The following ABCA10 variants were observed in gnomAD, a reference collection of about 807,000 sequenced individuals.
ABCA10 encodes the protein ATP binding cassette subfamily A member 10.
In ABCA10, 169 loss-of-function variants were observed where a neutral mutation model predicts 187.5. That is an observed-to-expected ratio of 0.90 (90% confidence interval 0.80 to 1.02). The LOEUF (loss-of-function observed/expected upper bound fraction) is 1.02. Ranked by LOEUF, ABCA10 falls within the 50% of genes least tolerant of loss-of-function variation. The pLI is 0.00. For missense variants in ABCA10, 1,727 were observed against 1,812.4 expected (o/e 0.95, Z 0.86); for synonymous variants, 574 against 601.8 (o/e 0.95, Z 0.68).
In ABCA10 at chr17:69,169,942, T is replaced by C. The variant is rs2074284232; in HGVS notation, c.3162+4339A>G. On this transcript the variant is annotated intron_variant, in intron 25 of 38. Transcript: ENST00000690296. ...ATAGTATTTGTAATTATTAAAGGTA[T>C]TGCTCTAACAAAATATATAGCAATA... 2.0e-5 allele frequency among the ~76,000 whole-genome samples: 3 copies of C among 152,274 alleles called. No individual in the cohort carries two copies. The South Asian group carries it at 6.2e-4, about 32-fold the overall frequency.
chr17:69,193,477 A>G lies in ABCA10; in HGVS notation c.1641+16T>C, dbSNP rs369408893. 41 of 1,601,858 alleles carry G rather than the reference A, an allele frequency of 2.6e-5. No individual in the cohort carries two copies. In the African/African-American group the frequency reaches 4.3e-4, roughly 17 times the overall value. On this transcript the variant is annotated intron_variant, in intron 14 of 38. Coordinates refer to ENST00000690296, the MANE Select transcript of ABCA10 (RefSeq NM_001377321.1). ...TTCAATCTAAATTAATTGTAAAAATATATTTTTTCTCTCACCTGAGGATCT... is the reference window on the plus strand; with the variant it reads ...TTCAATCTAAATTAATTGTAAAAATGTATTTTTTCTCTCACCTGAGGATCT...
intron 37 of ABCA10, among the ~76,000 whole-genome samples, chr17:69,149,652 T>TA (rs1389125998): frequency 6.6e-6 from 1 of 152,152 alleles, no homozygotes; most frequent in East Asian, 1.9e-4. Flanking sequence ...TTGATATTCT[T>TA]TGGGACAACA....
intron 22 of ABCA10, among the ~76,000 whole-genome samples, chr17:69,177,448 T>G (rs1306841999): frequency 1.3e-5 from 2 of 152,004 alleles, no homozygotes; most frequent in Non-Finnish European, 2.9e-5. Context: ...GGTAGGAGGA[T>G]CAGGGGGTCC....
intron 6 of ABCA10, among the ~76,000 whole-genome samples, chr17:69,217,960 A>C (rs1446924433): frequency 6.6e-6 from 1 of 152,210 alleles, no homozygotes; most frequent in Non-Finnish European, 1.5e-5. Flanking sequence ...AATTATATCC[A>C]ACACAAAATC....
intron 19 of ABCA10, 72 bp downstream of exon 19, chr17:69,187,609 T>C: frequency 7.1e-7 from 1 of 1,409,666 alleles, no homozygotes; most frequent in Non-Finnish European, 9.6e-7. Flanking sequence ...TAAATTAATA[T>C]ATTTACTTTC....
chr17:69,218,415 T>A (rs1011614963), intron 6 of ABCA10, among the ~76,000 whole-genome samples: 1 of 152,146 alleles, frequency 6.6e-6, no homozygotes, highest in Non-Finnish European at 1.5e-5. Flanking sequence ...TTCTCTGCTT[T>A]ATTTTTCTTA....
intron 19 of ABCA10, among the ~76,000 whole-genome samples, chr17:69,186,900 G>A (rs545994023): frequency 1.2e-4 from 19 of 152,160 alleles, no homozygotes; most frequent in African/African-American, 3.9e-4. Flanking sequence ...TGCCTTTTGT[G>A]TTCACTAATA....
In ABCA10 at chr17:69,193,091, T is replaced by A. The variant is rs1598106931; in HGVS notation, c.1780+19A>T. 9 of 1,580,556 alleles carry A rather than the reference T, an allele frequency of 5.7e-6. No individual in the cohort carries two copies. The highest frequency in any genetic ancestry group is 7.7e-6 in the Non-Finnish European group (9 of 1,168,788). ...TAAATCCTTAAATAACTAGTTGGAA[T>A]AAAGAAGCCAAGAATCACCAGCCAA... On this transcript the variant is annotated intron_variant, in intron 15 of 38. Transcript: ENST00000690296.
chr17:69,202,103 T>A (rs981064510), intron 9 of ABCA10, among the ~76,000 whole-genome samples: 1 of 152,168 alleles, frequency 6.6e-6, no homozygotes, highest in Non-Finnish European at 1.5e-5. Context: ...AAATAAAGCA[T>A]TACAGGTGCA....
Position 69,174,374 on chromosome 17 carries a change from A to T in ABCA10, c.3069T>A (p.Cys1023Ter). 6.3e-7 allele frequency: 1 copy of T among 1,598,144 alleles called. No individual in the cohort carries two copies. The highest frequency in any genetic ancestry group is 8.5e-7 in the Non-Finnish European group (1 of 1,175,352). The part of the protein sequence containing the change: ...MFVLVVCIIG[C>*]AVSLIFLTYV... ...ATGTGAGGAATATAAGAGAAACTGC[A>T]CAACCAATTATGCATACCACCTGCA... is the stretch of plus-strand genomic sequence containing the variant. Residue 1023 changes from cysteine to a stop codon, truncating the protein, a stop_gained, in exon 25 of 39, where the codon TGT becomes TGA. Transcript: ENST00000690296. LOFTEE classifies it high-confidence loss of function.
In ABCA10 at chr17:69,174,274, T is replaced by C. The variant is rs1202033619; in HGVS notation, c.3162+7A>G. 1.3e-6 allele frequency: 2 copies of C among 1,559,178 alleles called. No homozygotes were observed. The stretch of plus-strand genomic sequence containing the variant: ...ATATAAATGTGCACGCATGTATATA[T>C]ACTTACAATAAAAAAGCCAAAAGAC... On this transcript the variant is annotated splice_region_variant and intron_variant, in intron 25 of 38. Coordinates refer to ENST00000690296, the MANE Select transcript of ABCA10 (RefSeq NM_001377321.1).
Position 69,193,514 on chromosome 17 carries a change from A to T in ABCA10, c.1620T>A (p.Ile540=). ...TCACCTGAGGATCTCCTAAGATGGC[A>T]ATCCCTAGTGTTAGTTTTCTCTTCT... ...GGQKRKLTLG[I]AILGDPQVLL... is the part of the protein sequence containing the mutation. The change falls in exon 14 of 39, where the codon ATT becomes ATA. Residue 540 remains isoleucine (I), a synonymous_variant. Coordinates refer to ENST00000690296, the MANE Select transcript of ABCA10 (RefSeq NM_001377321.1). The T allele has an allele frequency of 1.2e-6, 2 of 1,613,450 alleles. No individual in the cohort carries two copies. Among genetic ancestry groups the T allele is most frequent in the Non-Finnish European group, 1.7e-6 (2 of 1,179,714 alleles).
At chr17:69,213,821 T>C (rs2074679617) in intron 9 of ABCA10, among the ~76,000 whole-genome samples, 1 of 152,234 alleles carries the variant, frequency 6.6e-6, no homozygotes, top group South Asian at 2.1e-4. Flanking sequence ...TCAAAGTTAT[T>C]ACAAAATTCA....
intron 25 of ABCA10, among the ~76,000 whole-genome samples, chr17:69,170,807 C>A (rs1558166): frequency 0.75 from 114,116 of 152,028 alleles, 43,430 homozygotes; most frequent in African/African-American, 0.85. Flanking sequence ...CTGAAACCCA[C>A]CTTGGACCAT....
chr17:69,173,502 A>G (rs572854076), intron 25 of ABCA10, among the ~76,000 whole-genome samples: 34 of 152,202 alleles, frequency 2.2e-4, no homozygotes, highest in African/African-American at 7.7e-4. Context: ...CCAGAAGAAG[A>G]AGAAGAAAAA....
In ABCA10 at chr17:69,193,988, T is replaced by C; in HGVS notation, c.1347A>G (p.Gly449=). 1 of 1,585,662 alleles carries C rather than the reference T, an allele frequency of 6.3e-7. No homozygotes were observed. Among genetic ancestry groups the C allele is most frequent in the Non-Finnish European group, 8.6e-7 (1 of 1,163,992 alleles). The part of the protein sequence containing the change: ...ILSGLSVSTE[G]SATIYNTQLS... ...GTTGAGTATTATAAATAGTGGCTGA[T>C]CCTATAAATAGAAATTTAAAAGGCT... Residue 449 remains glycine, a splice_region_variant and synonymous_variant, in exon 13 of 39, where the codon GGA becomes GGG. Coordinates refer to ENST00000690296, the MANE Select transcript of ABCA10 (RefSeq NM_001377321.1).
At chr17:69,163,494 ACATT>A (rs1227364271) in intron 27 of ABCA10, among the ~76,000 whole-genome samples, 1 of 152,218 alleles carries the variant, frequency 6.6e-6, no homozygotes, top group Non-Finnish European at 1.5e-5. Flanking sequence ...GGAAAAATAT[ACATT>A]CATTATACAA....
At position 69,153,503 on chromosome 17, in the gene ABCA10, C is replaced by T; in HGVS notation, c.4009G>A (p.Val1337Met). The change falls in exon 33 of 39, where the codon GTG becomes ATG. Residue 1337 changes from valine to methionine, a missense_variant. Coordinates refer to ENST00000690296, the MANE Select transcript of ABCA10 (RefSeq NM_001377321.1). The stretch of plus-strand genomic sequence containing the variant: ...TTTATTCCCTCTGATAGAGTTTTCA[C>T]AGGAGCCTTAAGTTGTTCCTGGAGC... ...LKLQEQLKAP[V>M]KTLSEGIKRK... 1 of 1,614,142 alleles carries T rather than the reference C, an allele frequency of 6.2e-7. No homozygotes were observed. The highest frequency in any genetic ancestry group is 8.5e-7 in the Non-Finnish European group (1 of 1,180,018).
chr17:69,167,203 G>A (rs942885331), intron 25 of ABCA10, among the ~76,000 whole-genome samples: 16 of 152,190 alleles, frequency 1.1e-4, no homozygotes, highest in South Asian at 6.2e-4. Context: ...CAACACTGAC[G>A]GCAACAAAGC....
Sources: gnomAD v4.1 joint callset for allele counts (sites outside exome capture counted in the v4.1 genomes callset) on GRCh38, gnomAD v4.1.1 for gene constraint, MANE v1.5 for transcripts, NCBI Gene and HGNC (gene_info 2026-07-23, HGNC 2026-07-21) for gene names.